The following GTSE1 variants were observed in gnomAD, a reference collection of about 807,000 sequenced individuals.
The protein encoded by GTSE1 is G2 and S-phase expressed 1, also known as G2 and S phase-expressed protein 1.
Under a neutral mutation model 60.5 loss-of-function variants are expected in GTSE1, and 52 were observed. That is an observed-to-expected ratio of 0.86 (90% CI 0.69 to 1.08). The LOEUF (loss-of-function observed/expected upper bound fraction) is 1.08, where lower values mean the gene tolerates loss of function less well. Ranked by LOEUF, GTSE1 falls within the 50% of genes least tolerant of loss-of-function variation. GTSE1 has a pLI of 0.00. For missense variants in GTSE1, 937 were observed against 961.8 expected, an observed-to-expected ratio of 0.97 and a Z score of 0.34; for synonymous variants, 368 against 386.5, an observed-to-expected ratio of 0.95 and a Z score of 0.56.
chr22:46,299,825 C>CA (rs2077679125), intron 2 of GTSE1, among the ~76,000 whole-genome samples: 1 of 150,930 alleles, frequency 6.6e-6, no homozygotes, highest in South Asian at 2.1e-4. Flanking sequence ...GACAGAGTCT[C>CA]ACTGTTGGCC....
At chr22:46,323,423 T>G (rs942754982) in intron 8 of GTSE1, among the ~76,000 whole-genome samples, 161 bp downstream of exon 8, 1 of 152,234 alleles carries the variant, frequency 6.6e-6, no homozygotes, top group African/African-American at 2.4e-5. Flanking sequence ...CAGCCCCTTT[T>G]AGATCTACTG....
In GTSE1 at chr22:46,329,184, C is replaced by T; in HGVS notation, c.1927-174C>T. On this transcript the variant is annotated intron_variant, in intron 10 of 11. Transcript: ENST00000454366. The surrounding 1 kb of genome is among the most constrained non-coding windows in gnomAD (Gnocchi z 6.4). ...CGGGTATGGACAGGGAGGTGGGCAA[C>T]AGTCAGAGAGGCACGGCCCACCCCA... 2.9e-6 allele frequency: 2 copies of T among 678,316 alleles called. No homozygotes were observed. Among genetic ancestry groups the T allele is most frequent in the Non-Finnish European group, 5.2e-6 (2 of 381,924 alleles). 42.0% of individuals were successfully genotyped at this position (678,316 alleles called of 1,614,324 possible). A position where few individuals can be genotyped will look rare whatever the true frequency, so the allele number is the denominator to read the frequency against.
In GTSE1 at chr22:46,297,392, G is replaced by T; in HGVS notation, c.-9G>T. ...TTCCACCCTGCAGTGACTTCTGACA[G>T]CTCTCTCCATGGAAGGAGGCGGCGG... On this transcript the variant is annotated 5_prime_UTR_variant, in exon 2 of 12. Transcript: ENST00000454366. The surrounding 1 kb of genome is among the most constrained non-coding windows in gnomAD (Gnocchi z 4.9). 6.2e-7 allele frequency: 1 copy of T among 1,607,886 alleles called. No homozygotes were observed. Among genetic ancestry groups the T allele is most frequent in the Non-Finnish European group, 8.5e-7 (1 of 1,174,400 alleles).
intron 8 of GTSE1, among the ~76,000 whole-genome samples, chr22:46,325,849 A>G (rs1047291596): frequency 6.6e-5 from 10 of 152,264 alleles, no homozygotes; most frequent in African/African-American, 2.4e-4. Flanking sequence ...AACACAAGAA[A>G]GCAACAGTTA....
chr22:46,319,982 CAA>C lies in GTSE1; in HGVS notation c.1433-3195_1433-3194del, dbSNP rs374478660. Among the ~76,000 whole-genome samples, 17 of 115,342 alleles carry C rather than the reference CAA, an allele frequency of 1.5e-4. No individual in the cohort carries two copies. Among genetic ancestry groups the C allele is most frequent in the Admixed American group, 2.8e-4 (3 of 10,766 alleles). The allele number at this position is 115,342 out of a possible 152,430, so 75.7% of individuals were successfully genotyped here. A position where few individuals can be genotyped will look rare whatever the true frequency, so the allele number is the denominator to read the frequency against. ...CCTGGGCGACAGAACGAGACTGTCT[CAA>C]AAAAAAAAAAAAGAAAGAAAGAAAG... On this transcript the variant is annotated intron_variant, in intron 7 of 11. Transcript: ENST00000454366. This position sits in a 1 kb window ranked among gnomAD's most constrained non-coding sequence, Gnocchi z 5.0.
chr22:46,316,230 C>G lies in GTSE1; in HGVS notation c.1250C>G (p.Ser417Cys), dbSNP rs775482708. 11 of 1,613,576 alleles carry G rather than the reference C, an allele frequency of 6.8e-6. No individual in the cohort carries two copies. In the Admixed American group the frequency reaches 1.7e-4, roughly 24 times the overall value. ...AEQLTAPPSASPTQPQTPEGG... is the reference protein window; with the variant it reads ...AEQLTAPPSACPTQPQTPEGG... ...CAGCTCACGGCACCCCCCTCAGCAT[C>G]CCCCACCCAACCCCAGACTCCGGAA... The change falls in exon 7 of 12, where the codon TCC becomes TGC. Residue 417 changes from serine to cysteine, a missense_variant. By Grantham distance (112) the Ser-to-Cys change is moderately radical. Transcript: ENST00000454366. The surrounding 1 kb of genome is among the most constrained non-coding windows in gnomAD (Gnocchi z 5.0).
In GTSE1 at chr22:46,316,909, T is replaced by A; in HGVS notation, c.1432+497T>A. Among the ~76,000 whole-genome samples the A allele has an allele frequency of 6.6e-6, 1 of 152,150 alleles. No individual in the cohort carries two copies. The highest frequency in any genetic ancestry group is 1.9e-4 in the East Asian group (1 of 5,204). On this transcript the variant is annotated intron_variant, in intron 7 of 11. Transcript: ENST00000454366. This position sits in a 1 kb window ranked among gnomAD's most constrained non-coding sequence, Gnocchi z 5.0. ...GACACCGAAGCTCTGTTCTTTTTTT[T>A]ATTTCAGCCTTTTTTCTTTTTCTTA... is the stretch of plus-strand genomic sequence containing the variant.
At position 46,297,614 on chromosome 22, in the gene GTSE1, G is replaced by A; in HGVS notation, c.79+135G>A. ...TGCACCTGTGAAACACATGACATCT[G>A]CCTTCGTTTTCTGGTTTTCTTTCAC... On this transcript the variant is annotated intron_variant, in intron 2 of 11. Coordinates refer to ENST00000454366, the MANE Select transcript of GTSE1 (RefSeq NM_016426.7). The surrounding 1 kb of genome is among the most constrained non-coding windows in gnomAD (Gnocchi z 4.9). 1.5e-6 allele frequency: 1 copy of A among 645,228 alleles called. No homozygotes were observed. Among genetic ancestry groups the A allele is most frequent in the Non-Finnish European group, 2.7e-6 (1 of 368,546 alleles). 40.0% of individuals were successfully genotyped at this position (645,228 alleles called of 1,614,324 possible).
At chr22:46,312,424 G>A in intron 5 of GTSE1, 119 bp downstream of exon 5, 1 of 923,882 alleles carries the variant, frequency 1.1e-6, no homozygotes, top group Non-Finnish European at 1.6e-6. Context: ...AGGATCACTT[G>A]AGCCCAGGAG....
At position 46,316,834 on chromosome 22, in the gene GTSE1, C is replaced by T. The variant is rs548831782; in HGVS notation, c.1432+422C>T. Among the ~76,000 whole-genome samples the T allele has an allele frequency of 3.0e-4, 46 of 152,284 alleles. No individual in the cohort carries two copies. Among genetic ancestry groups the T allele is most frequent in the Non-Finnish European group, 4.6e-4 (31 of 68,024 alleles). On this transcript the variant is annotated intron_variant, in intron 7 of 11. Transcript: ENST00000454366. The surrounding 1 kb of genome is among the most constrained non-coding windows in gnomAD (Gnocchi z 5.0). The stretch of plus-strand genomic sequence containing the variant: ...ATCTTTTCCTCTTTCCACTTTATTT[C>T]CTAGGACTCTAATCACATCTATTTC...
intron 4 of GTSE1, among the ~76,000 whole-genome samples, chr22:46,311,441 A>C (rs944018063): frequency 6.6e-6 from 1 of 152,248 alleles, no homozygotes; most frequent in Admixed American, 6.5e-5. Flanking sequence ...GTTGTACAAC[A>C]TAACAGATCT....
rs1373943874 is a variant in GTSE1, at chr22:46,318,752, G to A, written c.1432+2340G>A. Among the ~76,000 whole-genome samples, 1 of 152,192 alleles carries A rather than the reference G, an allele frequency of 6.6e-6. No individual in the cohort carries two copies. Among genetic ancestry groups the A allele is most frequent in the Non-Finnish European group, 1.5e-5 (1 of 68,030 alleles). On this transcript the variant is annotated intron_variant, in intron 7 of 11. Coordinates refer to ENST00000454366, the MANE Select transcript of GTSE1 (RefSeq NM_016426.7). The surrounding 1 kb of genome is among the most constrained non-coding windows in gnomAD (Gnocchi z 4.8). ...CTCTGGGAGCAGCATGGGGGCCGGA[G>A]GGTGGGAGTGCAGCCGCTGCGGTCG... is the stretch of plus-strand genomic sequence containing the variant.
In GTSE1 at chr22:46,308,721, G is replaced by C; in HGVS notation, c.540G>C (p.Glu180Asp). 4 of 1,613,630 alleles carry C rather than the reference G, an allele frequency of 2.5e-6. No individual in the cohort carries two copies. The highest frequency in any genetic ancestry group is 3.4e-6 in the Non-Finnish European group (4 of 1,180,040). The change falls in exon 4 of 12, where the codon GAG (glutamate) becomes GAC (aspartate). Residue 180 changes from glutamate to aspartate, a missense_variant. Coordinates refer to ENST00000454366, the MANE Select transcript of GTSE1 (RefSeq NM_016426.7). The stretch of plus-strand genomic sequence containing the variant: ...CCTTGCTGGGGCCCCCTGTGGGTGA[G>C]CCTCGGCTCTTGGCCTCCTCCCCGG... ...DSPLLGPPVG[E>D]PRLLASSPAL...
At chr22:46,322,570 ACCTCTGGGG>A (rs2077819688) in intron 7 of GTSE1, among the ~76,000 whole-genome samples, 1 of 151,868 alleles carries the variant, frequency 6.6e-6, no homozygotes, top group South Asian at 2.1e-4. Flanking sequence ...GCGGGACTGG[ACCTCTGGGG>A]CCTGTGTTGG....
In GTSE1 at chr22:46,319,950, A is replaced by G. The variant is rs1035767895; in HGVS notation, c.1433-3240A>G. Among the ~76,000 whole-genome samples the G allele has an allele frequency of 6.0e-5, 9 of 150,644 alleles. No homozygotes were observed. Among genetic ancestry groups the G allele is most frequent in the African/African-American group, 1.5e-4 (6 of 40,714 alleles). The stretch of plus-strand genomic sequence containing the variant: ...TAGTGAGCCGAGATGGTGTCACTGC[A>G]CTCCAGCCTGGGCGACAGAACGAGA... On this transcript the variant is annotated intron_variant, in intron 7 of 11. Transcript: ENST00000454366. The surrounding 1 kb of genome is among the most constrained non-coding windows in gnomAD (Gnocchi z 5.0).
At chr22:46,308,280 T>G in intron 3 of GTSE1, 39 bp from the exon 4 acceptor site, 1 of 1,606,376 alleles carries the variant, frequency 6.2e-7, no homozygotes, top group Non-Finnish European at 8.5e-7. Flanking sequence ...TAAATGCCAG[T>G]GTTATGAGTT....
At position 46,308,361 on chromosome 22, in the gene GTSE1, TAAAG is replaced by T. The variant is rs753691565; in HGVS notation, c.186_189del (p.Glu62AspfsTer9). The T allele has an allele frequency of 1.9e-6, 3 of 1,614,008 alleles. No individual in the cohort carries two copies. The highest frequency in any genetic ancestry group is 1.7e-4 in the Middle Eastern group (1 of 6,060). On this transcript the variant is annotated frameshift_variant, in exon 4 of 12. Coordinates refer to ENST00000454366, the MANE Select transcript of GTSE1 (RefSeq NM_016426.7). LOFTEE classifies it high-confidence loss of function. ...AAGTCTTCTTCGGACCCTTTGGACA[TAAAG>T]AAAGATGTATTGCTGCCAGCTTGGA...
chr22:46,304,932 T>C lies in GTSE1; in HGVS notation c.80-3218T>C, dbSNP rs771241677. Among the ~76,000 whole-genome samples the C allele has an allele frequency of 5.3e-5, 8 of 152,320 alleles. No homozygotes were observed. Among genetic ancestry groups the C allele is most frequent in the Middle Eastern group, 3.4e-3 (1 of 294 alleles). On this transcript the variant is annotated intron_variant, in intron 2 of 11. Coordinates refer to ENST00000454366, the MANE Select transcript of GTSE1 (RefSeq NM_016426.7). This position sits in a 1 kb window ranked among gnomAD's most constrained non-coding sequence, Gnocchi z 4.4. ...AGTTCGAGGCTGCAGTGAGCTATGA[T>C]TGTACCACTGTACTCCAGCCTGGGT...
At chr22:46,296,964 G>T (rs1308889953) in intron 1 of GTSE1, 33 bp downstream of exon 1, 4 of 175,708 alleles carry the variant, frequency 2.3e-5, no homozygotes. Context: ...GGCGAGGCTT[G>T]CCCGGTGGGC....
Sources: allele counts gnomAD v4.1 joint callset (sites outside exome capture counted in the v4.1 genomes callset), GRCh38; gene constraint gnomAD v4.1.1; non-coding constraint Gnocchi (gnomAD v3.1); transcripts MANE v1.5; gene names NCBI Gene and HGNC (gene_info 2026-07-23, HGNC 2026-07-21).